UBA6: variants seen among roughly 807,000 people sequenced by gnomAD.
UBA6 encodes ubiquitin-like modifier-activating enzyme 6.
UBA6 carries 87 observed loss-of-function variants against 148.3 expected under a neutral mutation model. That is an observed-to-expected ratio of 0.59 (90% CI 0.49 to 0.70). The LOEUF (loss-of-function observed/expected upper bound fraction) is 0.70, where lower values mean the gene tolerates loss of function less well. UBA6 is among the 30% of genes least tolerant of loss of function. The pLI, the probability that UBA6 is intolerant of heterozygous loss-of-function variation, is 0.00. For synonymous variants in UBA6, 376 were observed against 401.0 expected (o/e 0.94, Z 0.75); for missense variants, 1,186 against 1,241.2 (o/e 0.96, Z 0.67).
At chr4:67,674,807 C>T (rs1009215251) in intron 6 of UBA6, among the ~76,000 whole-genome samples, 4 of 152,042 alleles carry the variant, frequency 2.6e-5, no homozygotes, top group Non-Finnish European at 5.9e-5. Flanking sequence ...ATAAATTGGA[C>T]CTTTTCATTC....
At position 67,635,474 on chromosome 4, in the gene UBA6, C is replaced by T. The variant is rs1186346790; in HGVS notation, c.1821G>A (p.Leu607=). ...TTACATGACTATTGTAAGACTCAGTCAAATGCGGTACAATAACTTCAGTGT... is the reference window on the plus strand; with the variant it reads ...TTACATGACTATTGTAAGACTCAGTTAAATGCGGTACAATAACTTCAGTGT... ...KGHTEVIVPH[L]TESYNSHRDP... The change falls in exon 20 of 33, where the codon TTG becomes TTA. Residue 607 remains leucine (L), a synonymous_variant. Transcript: ENST00000322244. 6.2e-7 allele frequency: 1 copy of T among 1,605,510 alleles called. No individual in the cohort carries two copies. Among genetic ancestry groups the T allele is most frequent in the South Asian group, 1.1e-5 (1 of 90,800 alleles).
Position 67,687,925 on chromosome 4 carries a change from A to G in UBA6, c.135-5712T>C, listed in dbSNP as rs188935554. On this transcript the variant is annotated intron_variant, in intron 2 of 32. Coordinates refer to ENST00000322244, the MANE Select transcript of UBA6 (RefSeq NM_018227.6). ...GTTAAAAAAGAAAAAGAAAAATCCT[A>G]AAGTTGGAACCTGGCATTTATGATG... Among the ~76,000 whole-genome samples, 355 of 152,304 alleles carry G rather than the reference A, an allele frequency of 2.3e-3. 1 individual carries two copies. The highest frequency in any genetic ancestry group is 3.0e-3 in the Non-Finnish European group (207 of 68,008).
chr4:67,661,372 G>C (rs558129835), intron 13 of UBA6, among the ~76,000 whole-genome samples: 2 of 152,282 alleles, frequency 1.3e-5, no homozygotes, highest in South Asian at 4.1e-4. Context: ...GTGAGTGATA[G>C]TGAGTGAGTC....
chr4:67,699,987 T>C (rs1177252973), intron 1 of UBA6, among the ~76,000 whole-genome samples: 1 of 152,162 alleles, frequency 6.6e-6, no homozygotes, highest in Non-Finnish European at 1.5e-5. Flanking sequence ...GCGGGGGCAA[T>C]AGGCCTGGTG....
chr4:67,635,310 T>A, intron 20 of UBA6, 143 bp downstream of exon 20: 1 of 480,652 alleles, frequency 2.1e-6, no homozygotes, highest in Non-Finnish European at 3.7e-6. Context: ...AATTATATTT[T>A]AAAAAATGTA....
At chr4:67,634,872 C>T (rs180927665) in intron 20 of UBA6, among the ~76,000 whole-genome samples, 245 of 152,106 alleles carry the variant, frequency 1.6e-3, no homozygotes, top group Admixed American at 2.5e-3. Flanking sequence ...AAAAGTAATT[C>T]AGGAATACCC....
intron 7 of UBA6, among the ~76,000 whole-genome samples, chr4:67,671,603 T>C (rs1415717821): frequency 2.0e-5 from 3 of 152,200 alleles, no homozygotes; most frequent in African/African-American, 7.2e-5. Context: ...TCAGTGGCTA[T>C]TCTGTCTTAA....
rs1284679469 is a variant in UBA6 at position 67,635,556 on chromosome 4, C to T, written c.1739G>A (p.Arg580His). 13 of 1,603,774 alleles carry T rather than the reference C, an allele frequency of 8.1e-6. No homozygotes were observed. Among genetic ancestry groups the T allele is most frequent in the South Asian group, 2.2e-5 (2 of 90,638 alleles). The change falls in exon 20 of 33, where the codon CGT (arginine) becomes CAT (histidine). Residue 580 changes from arginine (R) to histidine (H), a missense_variant and splice_region_variant. Transcript: ENST00000322244. ...AAGAGGCCTTAGATTTGCTAAGCAA[C>T]GACTATTTGAAAAGACAGCAAGTAA... is the stretch of plus-strand genomic sequence containing the variant. ...NVEARRYVDS[R>H]CLANLRPLLD... is the part of the protein sequence containing the mutation.
intron 25 of UBA6, 113 bp from the exon 26 acceptor site, chr4:67,630,648 T>C (rs1728976404): frequency 1.5e-6 from 1 of 668,816 alleles, no homozygotes. Context: ...AACCACAGAA[T>C]TATTATTTCA....
Position 67,682,182 on chromosome 4 carries a change from T to C in UBA6, c.166A>G (p.Met56Val), listed in dbSNP as rs776951776. Residue 56 changes from methionine to valine, a missense_variant, in exon 3 of 33, where the codon ATG becomes GTG. Physicochemically the swap from Met to Val is conservative, Grantham distance 21 (BLOSUM62 1). Coordinates refer to ENST00000322244, the MANE Select transcript of UBA6 (RefSeq NM_018227.6). ...ACATGGGACTTGGCCATCTTCTGCA[T>C]TGCTGTGTCTCCAAGAACGTACCTC... is the stretch of plus-strand genomic sequence containing the variant. ...RQRYVLGDTA[M>V]QKMAKSHVFL... 5.6e-6 allele frequency: 9 copies of C among 1,613,814 alleles called. No homozygotes were observed. Among genetic ancestry groups the C allele is most frequent in the East Asian group, 2.2e-5 (1 of 44,872 alleles).
intron 25 of UBA6, 114 bp from the exon 26 acceptor site, chr4:67,630,649 T>G (rs1331681275): frequency 4.5e-6 from 3 of 665,076 alleles, no homozygotes; most frequent in Non-Finnish European, 6.9e-6. Context: ...ACCACAGAAT[T>G]ATTATTTCAA....
intron 13 of UBA6, 79 bp downstream of exon 13, chr4:67,662,110 G>T (rs550100051): frequency 6.0e-5 from 83 of 1,378,200 alleles, no homozygotes; most frequent in Non-Finnish European, 7.5e-5. Flanking sequence ...TGGATGTGAA[G>T]GATAAGAGAA....
rs940812783 is a variant in UBA6 at position 67,615,331 on chromosome 4, T to C, written c.*3666A>G. 6.6e-6 allele frequency: 1 copy of C among 152,294 alleles called. No homozygotes were observed. Among genetic ancestry groups the C allele is most frequent in the Non-Finnish European group, 1.5e-5 (1 of 68,042 alleles). 9.4% of individuals were successfully genotyped at this position (152,294 alleles called of 1,614,324 possible). On this transcript the variant is annotated 3_prime_UTR_variant, in exon 33 of 33. Coordinates refer to ENST00000322244, the MANE Select transcript of UBA6 (RefSeq NM_018227.6). ...GCCATGTGATACGCCAGTTCCTCCT[T>C]TGCCTTCTGCCATGATTGCAGGGAT...
Position 67,701,126 on chromosome 4 carries a change from C to G in UBA6, c.-7G>C. The stretch of plus-strand genomic sequence containing the variant: ...CAGGCTCGGATCCTTCCATTGCCGC[C>G]TGAGACACCGCCGCCGGCTACTGGA... On this transcript the variant is annotated 5_prime_UTR_variant, in exon 1 of 33. Coordinates refer to ENST00000322244, the MANE Select transcript of UBA6 (RefSeq NM_018227.6). 1 of 1,612,532 alleles carries G rather than the reference C, an allele frequency of 6.2e-7. No homozygotes were observed. Among genetic ancestry groups the G allele is most frequent in the Non-Finnish European group, 8.5e-7 (1 of 1,179,782 alleles).
At chr4:67,650,370 C>G (rs1729524522) in intron 13 of UBA6, among the ~76,000 whole-genome samples, 1 of 152,006 alleles carries the variant, frequency 6.6e-6, no homozygotes, top group Admixed American at 6.6e-5. Context: ...CCGAAAAAGT[C>G]CAACTTTATA....
Position 67,678,473 on chromosome 4 carries a change from G to T in UBA6, c.319C>A (p.Leu107Ile). 6.2e-7 allele frequency: 1 copy of T among 1,601,360 alleles called. No homozygotes were observed. Among genetic ancestry groups the T allele is most frequent in the Non-Finnish European group, 8.5e-7 (1 of 1,172,404 alleles). The change falls in exon 5 of 33, where the codon CTC becomes ATC. Residue 107 changes from leucine to isoleucine, a missense_variant. Coordinates refer to ENST00000322244, the MANE Select transcript of UBA6 (RefSeq NM_018227.6). ...TTATTAACAACATCATCTTCACTGAGAAAGAAGTTGGTTCCTAGATCCCAT... is the reference window on the plus strand; with the variant it reads ...TTATTAACAACATCATCTTCACTGATAAAGAAGTTGGTTCCTAGATCCCAT... ...QAWDLGTNFF[L>I]SEDDVVNKRN...
intron 14 of UBA6, among the ~76,000 whole-genome samples, chr4:67,648,567 C>T (rs1346186384): frequency 6.6e-6 from 1 of 151,950 alleles, no homozygotes; most frequent in Non-Finnish European, 1.5e-5. Flanking sequence ...CCTTTCACAC[C>T]TTGTGCCAAT....
At chr4:67,679,257 A>C (rs1383382883) in intron 4 of UBA6, among the ~76,000 whole-genome samples, 1 of 152,134 alleles carries the variant, frequency 6.6e-6, no homozygotes, top group African/African-American at 2.4e-5. Flanking sequence ...ATCTACAAAA[A>C]CAAATGAAGA....
At chr4:67,692,667 C>T (rs1456735549) in intron 2 of UBA6, among the ~76,000 whole-genome samples, 4 of 152,104 alleles carry the variant, frequency 2.6e-5, no homozygotes, top group Non-Finnish European at 5.9e-5. Context: ...CACCCAGAAC[C>T]CCAAAGTTCA....
Sources: allele counts gnomAD v4.1 joint callset (sites outside exome capture counted in the v4.1 genomes callset), GRCh38; gene constraint gnomAD v4.1.1; transcripts MANE v1.5; gene names NCBI Gene and HGNC (gene_info 2026-07-23, HGNC 2026-07-21).